SNX25: variants seen among roughly 807,000 people sequenced by gnomAD.
SNX25 encodes sorting nexin-25.
SNX25 carries 62 observed loss-of-function variants against 113.7 expected under a neutral mutation model. That is an observed-to-expected ratio of 0.55 (90% CI 0.44 to 0.67). SNX25 has a LOEUF of 0.67. Among genes scored for constraint, SNX25 ranks in the 30% least tolerant of loss-of-function variants. The pLI is 0.00. For missense variants in SNX25, 1,014 were observed against 1,161.0 expected (o/e 0.87, Z 1.84); for synonymous variants, 421 against 436.2 (o/e 0.97, Z 0.43).
At chr4:185,326,396 C>T (rs2126695852) in intron 9 of SNX25, among the ~76,000 whole-genome samples, 1 of 152,196 alleles carries the variant, frequency 6.6e-6, no homozygotes, top group East Asian at 1.9e-4. Context: ...CCTGTTAGAG[C>T]TTTATAGCTG....
At position 185,344,220 on chromosome 4, in the gene SNX25, CA is replaced by C. The variant is rs569137464; in HGVS notation, c.2187+2110del. Among the ~76,000 whole-genome samples, 406 of 152,064 alleles carry C rather than the reference CA, an allele frequency of 2.7e-3. 2 individuals carry two copies. The highest frequency in any genetic ancestry group is 0.014 in the Middle Eastern group (4 of 294). On this transcript the variant is annotated intron_variant, in intron 12 of 18. Transcript: ENST00000652585. Reference sequence around the variant, plus strand: ...TTGGCAACAGAGCAGGATTCCATTCCAAAAAATAAAAATAAAAATTTCCAGC... The same window carrying C: ...TTGGCAACAGAGCAGGATTCCATTCCAAAAATAAAAATAAAAATTTCCAGC...
At position 185,330,947 on chromosome 4, in the gene SNX25, C is replaced by G. The variant is rs77975771; in HGVS notation, c.1750-1648C>G. 8.4e-3 allele frequency among the ~76,000 whole-genome samples: 1,272 copies of G among 152,234 alleles called. 13 individuals are homozygous for G. The highest frequency in any genetic ancestry group is 0.028 in the African/African-American group (1,180 of 41,530). The stretch of plus-strand genomic sequence containing the variant: ...GAAATTAAGATAGTTAATTTTACAG[C>G]AAATGCCGTAAAAGAGGTTATTCAA... On this transcript the variant is annotated intron_variant, in intron 9 of 18. Transcript: ENST00000652585.
downstream of SNX25, among the ~76,000 whole-genome samples, chr4:185,368,595 C>T (rs899981601): frequency 6.6e-6 from 1 of 152,180 alleles, no homozygotes; most frequent in African/African-American, 2.4e-5. Flanking sequence ...CATATGATAT[C>T]ATTCCAGACC....
chr4:185,356,490 A>G (rs921172736), intron 15 of SNX25, among the ~76,000 whole-genome samples: 1 of 152,176 alleles, frequency 6.6e-6, no homozygotes, highest in African/African-American at 2.4e-5. Flanking sequence ...CATTCCAGCA[A>G]ATTCCATCAA....
chr4:185,378,224 A>G, the SNX25 span: 11 of 1,603,786 alleles, frequency 6.9e-6, no homozygotes, highest in African/African-American at 1.4e-4. Flanking sequence ...GCAAGAAGAA[A>G]AAATAAGTGG....
chr4:185,340,172 T>C (rs145879262), intron 11 of SNX25, among the ~76,000 whole-genome samples: 1 of 152,320 alleles, frequency 6.6e-6, no homozygotes, highest in Non-Finnish European at 1.5e-5. Context: ...TAAGCAAATA[T>C]CAAGGTCCTG....
chr4:185,356,168 G>A (rs2095338079), intron 15 of SNX25, among the ~76,000 whole-genome samples: 1 of 152,036 alleles, frequency 6.6e-6, no homozygotes, highest in Non-Finnish European at 1.5e-5. Flanking sequence ...TGTGTATCGG[G>A]GGGTTACTGG....
intron 12 of SNX25, among the ~76,000 whole-genome samples, chr4:185,344,559 A>G (rs957283422): frequency 1.3e-5 from 2 of 152,218 alleles, no homozygotes; most frequent in Non-Finnish European, 2.9e-5. Flanking sequence ...GTGGAGGTTC[A>G]CAGCAGATGC....
At chr4:185,206,121 C>T (rs1371850409), upstream of SNX25, among the ~76,000 whole-genome samples, 3 of 152,156 alleles carry the variant, frequency 2.0e-5, no homozygotes, top group Non-Finnish European at 4.4e-5. Context: ...AAAACTTGAA[C>T]ATAGAATTAT....
At chr4:185,255,684 T>C (rs1746307367) in intron 2 of SNX25, among the ~76,000 whole-genome samples, 2 of 152,204 alleles carry the variant, frequency 1.3e-5, no homozygotes, top group Non-Finnish European at 2.9e-5. Flanking sequence ...CTCATGCAGC[T>C]TATCTTGTTC....
At chr4:185,277,763 C>G (rs1206766325) in intron 5 of SNX25, among the ~76,000 whole-genome samples, 1 of 28,360 alleles carries the variant, frequency 3.5e-5, no homozygotes, top group Non-Finnish European at 6.2e-5. Flanking sequence ...GACGGAGTCT[C>G]GCTCTGTCGC....
In SNX25 at chr4:185,288,067, C is replaced by T. The variant is rs770177525; in HGVS notation, c.1147C>T (p.Leu383=). The change falls in exon 6 of 19, where the codon CTG becomes TTG. Residue 383 remains leucine, a synonymous_variant. Transcript: ENST00000652585. ...QATTISSFPQ[L]KRHKGKETAA... is the part of the protein sequence containing the mutation. ...GACTACAATTAGCAGCTTTCCCCAA[C>T]TGAAGAGGCACAAAGGTAAGAGCCA... The T allele has an allele frequency of 2.5e-6, 4 of 1,613,612 alleles. No homozygotes were observed. The highest frequency in any genetic ancestry group is 2.5e-6 in the Non-Finnish European group (3 of 1,179,738).
chr4:185,216,692 G>A (rs1026022135), intron 1 of SNX25, among the ~76,000 whole-genome samples: 1 of 151,686 alleles, frequency 6.6e-6, no homozygotes, highest in African/African-American at 2.4e-5. Flanking sequence ...GCTACTTTTT[G>A]TAATTTTTAG....
intron 13 of SNX25, among the ~76,000 whole-genome samples, chr4:185,347,410 T>C (rs2095292569): frequency 6.6e-6 from 1 of 152,174 alleles, no homozygotes; most frequent in South Asian, 2.1e-4. Context: ...ATTTTGGGTG[T>C]AGTAGTATCT....
At chr4:185,263,738 A>C (rs11132299) in intron 3 of SNX25, among the ~76,000 whole-genome samples, 55,908 of 151,996 alleles carry the variant, frequency 0.37, 11,420 homozygotes, top group East Asian at 0.58. Context: ...TTGCCTCCTC[A>C]TCTAGAACAT....
chr4:185,278,506 TG>T (rs1161294665), intron 5 of SNX25, among the ~76,000 whole-genome samples: 1 of 152,040 alleles, frequency 6.6e-6, no homozygotes, highest in African/African-American at 2.4e-5. Context: ...ATGGAATGAA[TG>T]AATGAATGAA....
chr4:185,253,772 A>G (rs1410524890), intron 2 of SNX25, among the ~76,000 whole-genome samples: 2 of 152,206 alleles, frequency 1.3e-5, no homozygotes, highest in African/African-American at 2.4e-5. Flanking sequence ...CCCAGCCTAC[A>G]TATACATTTC....
At chr4:185,367,064 A>T (rs2095390392), downstream of SNX25, 1 of 912,274 alleles carries the variant, frequency 1.1e-6, no homozygotes, top group Non-Finnish European at 1.7e-6. Flanking sequence ...TGTCACCTGT[A>T]AAATACCCAG....
At chr4:185,292,844 G>C (rs1033269975) in intron 6 of SNX25, among the ~76,000 whole-genome samples, 2 of 152,168 alleles carry the variant, frequency 1.3e-5, no homozygotes, top group East Asian at 1.9e-4. Context: ...GAGCCCAGGA[G>C]GTCAAGGCTG....
Sources: allele counts gnomAD v4.1 joint callset (sites outside exome capture counted in the v4.1 genomes callset), GRCh38; gene constraint gnomAD v4.1.1; transcripts MANE v1.5; gene names NCBI Gene and HGNC (gene_info 2026-07-23, HGNC 2026-07-21).